The following MRPS6 variants were observed in gnomAD, a reference collection of about 807,000 sequenced individuals.
MRPS6 encodes mitochondrial ribosomal protein S6, also known as small ribosomal subunit protein bS6m.
Under a neutral mutation model 13.1 loss-of-function variants are expected in MRPS6, and 6 were observed. That is an observed-to-expected ratio of 0.46 (90% CI 0.25 to 0.91). The LOEUF (loss-of-function observed/expected upper bound fraction) is 0.91. Among genes scored for constraint, MRPS6 ranks in the 40% least tolerant of loss-of-function variants. The pLI, the probability that MRPS6 is intolerant of heterozygous loss-of-function variation, is 0.18. For missense variants in MRPS6, 164 were observed against 155.6 expected, an observed-to-expected ratio of 1.05 and a Z score of -0.29; for synonymous variants, 61 against 56.5, an observed-to-expected ratio of 1.08 and a Z score of -0.36.
chr21:34,132,545 A>C (rs1980541439), intron 2 of MRPS6, among the ~76,000 whole-genome samples: 1 of 152,202 alleles, frequency 6.6e-6, no homozygotes, highest in South Asian at 2.1e-4. Flanking sequence ...CGAAGCTAGG[A>C]AAGCCCAGTG....
intron 1 of MRPS6, chr21:34,097,473 T>C (rs1402075231): frequency 6.9e-6 from 10 of 1,452,550 alleles, no homozygotes; most frequent in Admixed American, 2.7e-5. Context: ...AGCCAAATTT[T>C]ACTTAGCAGA....
At chr21:34,131,143 T>C (rs1421948018) in intron 2 of MRPS6, among the ~76,000 whole-genome samples, 3 of 152,242 alleles carry the variant, frequency 2.0e-5, no homozygotes, top group Admixed American at 6.5e-5. Context: ...AATGGAAAAC[T>C]AGCTATTTGG....
At chr21:34,114,162 A>G (rs952331333) in intron 1 of MRPS6, among the ~76,000 whole-genome samples, 1 of 152,198 alleles carries the variant, frequency 6.6e-6, no homozygotes, top group Non-Finnish European at 1.5e-5. Flanking sequence ...CCTCTCAGCA[A>G]GAGGATCATG....
At chr21:34,082,025 G>C (rs1989470464) in intron 1 of MRPS6, among the ~76,000 whole-genome samples, 1 of 150,728 alleles carries the variant, frequency 6.6e-6, no homozygotes, top group African/African-American at 2.5e-5. Context: ...CCTCCTACCA[G>C]CCAGAAATCC....
intron 1 of MRPS6, chr21:34,095,851 T>C (rs1302477573): frequency 1.2e-6 from 2 of 1,614,096 alleles, no homozygotes; most frequent in Non-Finnish European, 1.7e-6. Flanking sequence ...AGAAGGTACA[T>C]GTTGGCCTCA....
At position 34,078,784 on chromosome 21, in the gene MRPS6, A is replaced by C. The variant is rs187751881; in HGVS notation, c.45+5039A>C. Among the ~76,000 whole-genome samples, 106 of 152,372 alleles carry C rather than the reference A, an allele frequency of 7.0e-4. 1 individual carries two copies. The highest frequency in any genetic ancestry group is 7.1e-4 in the Non-Finnish European group (48 of 68,036). Reference sequence around the variant, plus strand: ...AAGGGTAGAGAACAAATGATAAAATACTGTGTGATTACTCATGTTATAAAA... The same window carrying C: ...AAGGGTAGAGAACAAATGATAAAATCCTGTGTGATTACTCATGTTATAAAA... On this transcript the variant is annotated intron_variant, in intron 1 of 2. Transcript: ENST00000399312.
In MRPS6 at chr21:34,099,147, G is replaced by A. The variant is rs1008925134; in HGVS notation, c.45+25402G>A. The A allele has an allele frequency of 9.5e-5, 95 of 999,130 alleles. No individual in the cohort carries two copies. The African/African-American group carries it at 1.6e-3, about 16-fold the overall frequency. 61.9% of individuals were successfully genotyped at this position (999,130 alleles called of 1,614,324 possible). Reference sequence around the variant, plus strand: ...GTCTGTAAATGAAAAAATAATTTATGTATGAATAGCATGTATTTCTGAAGA... The same window carrying A: ...GTCTGTAAATGAAAAAATAATTTATATATGAATAGCATGTATTTCTGAAGA... On this transcript the variant is annotated intron_variant, in intron 1 of 2. Coordinates refer to ENST00000399312, the MANE Select transcript of MRPS6 (RefSeq NM_032476.4).
chr21:34,096,483 A>G lies in MRPS6; in HGVS notation c.45+22738A>G, dbSNP rs780317618. The G allele has an allele frequency of 1.9e-6, 3 of 1,614,202 alleles. No individual in the cohort carries two copies. The highest frequency in any genetic ancestry group is 2.5e-6 in the Non-Finnish European group (3 of 1,180,036). On this transcript the variant is annotated intron_variant, in intron 1 of 2. Coordinates refer to ENST00000399312, the MANE Select transcript of MRPS6 (RefSeq NM_032476.4). This position sits in a 1 kb window ranked among gnomAD's most constrained non-coding sequence, Gnocchi z 5.9. ...GATCAGCATAGCATGGGTGCCAATC[A>G]TCGTGGAGATGCAAGGAGGCCAGAT...
intron 1 of MRPS6, chr21:34,125,103 A>T (rs112346877): frequency 3.7e-4 from 202 of 540,518 alleles, no homozygotes; most frequent in African/African-American, 3.6e-3. Context: ...TGGTCCCTGA[A>T]CTCTCCGAAG....
At position 34,096,358 on chromosome 21, in the gene MRPS6, G is replaced by A; in HGVS notation, c.45+22613G>A. 1 of 1,614,160 alleles carries A rather than the reference G, an allele frequency of 6.2e-7. No homozygotes were observed. Among genetic ancestry groups the A allele is most frequent in the Non-Finnish European group, 8.5e-7 (1 of 1,180,024 alleles). ...TTAGACTCTATCTTTAACAGTGCCA[G>A]TACCATATTCACCCTCGATGTGTAC... On this transcript the variant is annotated intron_variant, in intron 1 of 2. Transcript: ENST00000399312. The surrounding 1 kb of genome is among the most constrained non-coding windows in gnomAD (Gnocchi z 5.9).
At chr21:34,133,542 CA>C (rs1244827278) in intron 2 of MRPS6, among the ~76,000 whole-genome samples, 15 of 152,320 alleles carry the variant, frequency 9.8e-5, no homozygotes, top group African/African-American at 3.1e-4. Flanking sequence ...AAGACAGCCC[CA>C]GAGGTGCTAT....
chr21:34,099,605 T>A, intron 1 of MRPS6: 3 of 998,716 alleles, frequency 3.0e-6, no homozygotes, highest in Non-Finnish European at 3.6e-6. Context: ...TGTTTGTGAT[T>A]TTTTTTTTCT....
In MRPS6 at chr21:34,096,980, C is replaced by T. The variant is rs1353144464; in HGVS notation, c.45+23235C>T. 1.9e-6 allele frequency: 3 copies of T among 1,613,896 alleles called. No individual in the cohort carries two copies. Among genetic ancestry groups the T allele is most frequent in the Non-Finnish European group, 2.5e-6 (3 of 1,179,940 alleles). ...TTCCCAACGGGAAATCTGAAGACAG[C>T]ATTAAGGGCCTTCAGCCTGAAGATG... On this transcript the variant is annotated intron_variant, in intron 1 of 2. Coordinates refer to ENST00000399312, the MANE Select transcript of MRPS6 (RefSeq NM_032476.4). This position sits in a 1 kb window ranked among gnomAD's most constrained non-coding sequence, Gnocchi z 5.9.
chr21:34,119,077 C>T (rs1980030153), intron 1 of MRPS6, among the ~76,000 whole-genome samples: 1 of 152,080 alleles, frequency 6.6e-6, no homozygotes, highest in Non-Finnish European at 1.5e-5. Flanking sequence ...AAAGTAGTTT[C>T]TGTGTTCGAT....
chr21:34,134,932 T>C (rs1458574898), intron 2 of MRPS6, among the ~76,000 whole-genome samples: 1 of 152,258 alleles, frequency 6.6e-6, no homozygotes, highest in Non-Finnish European at 1.5e-5. Context: ...AGGTGGTGTA[T>C]TAAATGCGTT....
chr21:34,111,011 A>G (rs937548153), intron 1 of MRPS6, among the ~76,000 whole-genome samples: 1 of 152,178 alleles, frequency 6.6e-6, no homozygotes, highest in Non-Finnish European at 1.5e-5. Context: ...GCAAAAAAAC[A>G]TGGTACTAAA....
In MRPS6 at chr21:34,073,691, TCC is replaced by T; in HGVS notation, c.-9_-8del. 6.6e-7 allele frequency: 1 copy of T among 1,519,450 alleles called. No homozygotes were observed. Among genetic ancestry groups the T allele is most frequent in the Non-Finnish European group, 8.9e-7 (1 of 1,126,012 alleles). 94.1% of individuals were successfully genotyped at this position (1,519,450 alleles called of 1,614,324 possible). A position where few individuals can be genotyped will look rare whatever the true frequency, so the allele number is the denominator to read the frequency against. On this transcript the variant is annotated 5_prime_UTR_variant, in exon 1 of 3. Coordinates refer to ENST00000399312, the MANE Select transcript of MRPS6 (RefSeq NM_032476.4). ...CTGGCTTCCGAGCCGCACTCGCCGA[TCC>T]TCCAGGCATGCCCCGCTACGAGCTG...
At chr21:34,086,666 G>A (rs10854369) in intron 1 of MRPS6, among the ~76,000 whole-genome samples, 123,813 of 152,068 alleles carry the variant, frequency 0.81, 52,873 homozygotes, top group East Asian at 0.94. Flanking sequence ...TGTAAATTGG[G>A]GATCATTATC....
intron 1 of MRPS6, among the ~76,000 whole-genome samples, chr21:34,086,318 T>G (rs1295142957): frequency 6.6e-6 from 1 of 152,178 alleles, no homozygotes; most frequent in East Asian, 1.9e-4. Context: ...ATTCTTGGTG[T>G]GGGTACAGAT....
Sources: allele counts gnomAD v4.1 joint callset (sites outside exome capture counted in the v4.1 genomes callset), GRCh38; gene constraint gnomAD v4.1.1; non-coding constraint Gnocchi (gnomAD v3.1); transcripts MANE v1.5; gene names NCBI Gene and HGNC (gene_info 2026-07-23, HGNC 2026-07-21).